PAX7: variants seen among roughly 807,000 people sequenced by gnomAD.
PAX7 encodes the protein paired box protein Pax-7.
In PAX7, 18 loss-of-function variants were observed where a neutral mutation model predicts 50.7. That is an observed-to-expected ratio of 0.36 (90% confidence interval 0.25 to 0.53). PAX7 has a LOEUF of 0.53. Ranked by LOEUF, PAX7 falls within the 20% of genes least tolerant of loss-of-function variation. PAX7 has a pLI of 0.93. For synonymous variants in PAX7, 310 were observed against 290.4 expected (o/e 1.07, Z -0.69); for missense variants, 644 against 702.9 (o/e 0.92, Z 0.95).
At chr1:18,689,289 T>C (rs963220621) in intron 4 of PAX7, among the ~76,000 whole-genome samples, 9 of 152,226 alleles carry the variant, frequency 5.9e-5, no homozygotes, top group African/African-American at 2.2e-4. Flanking sequence ...AATTGAATCC[T>C]TGGCATTAGT....
At chr1:18,662,140 G>A (rs906242749) in intron 4 of PAX7, among the ~76,000 whole-genome samples, 1 of 152,032 alleles carries the variant, frequency 6.6e-6, no homozygotes, top group African/African-American at 2.4e-5. Flanking sequence ...GGGGGTTGAG[G>A]GGGGCGAGGA....
At chr1:18,671,750 G>A (rs1278410899) in intron 4 of PAX7, among the ~76,000 whole-genome samples, 3 of 151,836 alleles carry the variant, frequency 2.0e-5, no homozygotes, top group African/African-American at 7.3e-5. Context: ...TTGGGAGACT[G>A]AAGCAGGAGG....
At chr1:18,639,029 C>T (rs1183119357) in intron 4 of PAX7, among the ~76,000 whole-genome samples, 1 of 152,218 alleles carries the variant, frequency 6.6e-6, no homozygotes, top group Non-Finnish European at 1.5e-5. Flanking sequence ...TTGCCCCTCT[C>T]ATGGCAGGGA....
chr1:18,672,596 G>GTTTT lies in PAX7; in HGVS notation c.587-19140_587-19137dup, dbSNP rs1034079316. On this transcript the variant is annotated intron_variant, in intron 4 of 8. Coordinates refer to ENST00000420770, the MANE Select transcript of PAX7 (RefSeq NM_001135254.2). ...GCGGCCCTAGACTGGAGAGCACTGTGTTTTTTTTTTTTTTTTTTTTTGTGA... is the reference window on the plus strand; with the variant it reads ...GCGGCCCTAGACTGGAGAGCACTGTGTTTTTTTTTTTTTTTTTTTTTTTTTGTGA... 2.9e-3 allele frequency among the ~76,000 whole-genome samples: 366 copies of GTTTT among 125,740 alleles called. 5 individuals are homozygous for GTTTT. The highest frequency in any genetic ancestry group is 9.3e-3 in the East Asian group (35 of 3,748). 82.5% of individuals were successfully genotyped at this position (125,740 alleles called of 152,430 possible).
At chr1:18,742,104 C>T (rs979768249) in intron 8 of PAX7, among the ~76,000 whole-genome samples, 1 of 150,114 alleles carries the variant, frequency 6.7e-6, no homozygotes, top group Non-Finnish European at 1.5e-5. Context: ...TAAACCCTGG[C>T]TTCTCCTCTT....
At chr1:18,738,148 G>A (rs747300238) in intron 8 of PAX7, among the ~76,000 whole-genome samples, 8 of 152,180 alleles carry the variant, frequency 5.3e-5, no homozygotes, top group Non-Finnish European at 1.0e-4. Flanking sequence ...ATAACTGTGT[G>A]TGTGTGTGTG....
In PAX7 at chr1:18,735,710, G is replaced by A. The variant is rs144861509; in HGVS notation, c.1234G>A (p.Gly412Ser). The A allele has an allele frequency of 1.7e-4, 273 of 1,614,098 alleles. 2 individuals carry two copies. The East Asian group carries it at 5.9e-3, about 35-fold the overall frequency. ...CTTCTCCATCTCCCCGCTGCATGGC[G>A]GCCTGGACTCGGCCACCTCCATCTC... ...ADFSISPLHG[G>S]LDSATSISAS... Residue 412 changes from glycine (G) to serine (S), a missense_variant, in exon 8 of 9, where the codon GGC (glycine) becomes AGC (serine). Physicochemically the swap from Gly to Ser is moderately conservative, Grantham distance 56 (BLOSUM62 0). Coordinates refer to ENST00000420770, the MANE Select transcript of PAX7 (RefSeq NM_001135254.2). The surrounding 1 kb of genome is among the most constrained non-coding windows in gnomAD (Gnocchi z 4.0).
At chr1:18,660,855 AG>A (rs1249860221) in intron 4 of PAX7, among the ~76,000 whole-genome samples, 2 of 152,190 alleles carry the variant, frequency 1.3e-5, no homozygotes, top group Non-Finnish European at 2.9e-5. Context: ...AGGATGAGTT[AG>A]GGGAGAAATG....
chr1:18,640,993 C>A (rs1342099142), intron 4 of PAX7, among the ~76,000 whole-genome samples: 1 of 152,142 alleles, frequency 6.6e-6, no homozygotes. Flanking sequence ...TCCCCCCAAC[C>A]GAAGAAGAGA....
Position 18,634,902 on chromosome 1 carries a change from C to T in PAX7, c.322-209C>T, listed in dbSNP as rs531021907. Among the ~76,000 whole-genome samples the T allele has an allele frequency of 1.3e-5, 2 of 152,212 alleles. No homozygotes were observed. Among genetic ancestry groups the T allele is most frequent in the East Asian group, 3.9e-4 (2 of 5,172 alleles). ...TTTTATTGCCTATCCATGTCCCACC[C>T]CACCCCACCTGGCCAGACCCCCAGC... On this transcript the variant is annotated intron_variant, in intron 2 of 8. Transcript: ENST00000420770. The surrounding 1 kb of genome is among the most constrained non-coding windows in gnomAD (Gnocchi z 4.0).
intron 4 of PAX7, among the ~76,000 whole-genome samples, chr1:18,680,526 A>C (rs1044973375): frequency 6.6e-6 from 1 of 152,266 alleles, no homozygotes; most frequent in South Asian, 2.1e-4. Flanking sequence ...TTTAGAAATA[A>C]CAAGAACGAG....
intron 4 of PAX7, among the ~76,000 whole-genome samples, chr1:18,674,617 G>A (rs1048204322): frequency 2.0e-5 from 3 of 152,172 alleles, no homozygotes; most frequent in Non-Finnish European, 4.4e-5. Flanking sequence ...CCTTGGCATC[G>A]TCTCCACCCT....
intron 7 of PAX7, among the ~76,000 whole-genome samples, chr1:18,714,794 C>T (rs2089398321): frequency 6.6e-6 from 1 of 152,254 alleles, no homozygotes; most frequent in Admixed American, 6.5e-5. Context: ...CTTCCTGCCT[C>T]CTGAGAAGCC....
chr1:18,676,295 T>C (rs932583543), intron 4 of PAX7, among the ~76,000 whole-genome samples: 3 of 151,620 alleles, frequency 2.0e-5, no homozygotes, highest in East Asian at 2.0e-4. Flanking sequence ...CACCTTCCAC[T>C]GTGGACCTGC....
intron 4 of PAX7, among the ~76,000 whole-genome samples, chr1:18,650,359 G>T (rs575602713): frequency 1.3e-5 from 2 of 152,200 alleles, no homozygotes; most frequent in Admixed American, 1.3e-4. Flanking sequence ...GTCCCTGCCC[G>T]GCTTGCTGTG....
At chr1:18,687,810 G>A (rs1292423964) in intron 4 of PAX7, among the ~76,000 whole-genome samples, 1 of 152,082 alleles carries the variant, frequency 6.6e-6, no homozygotes, top group Non-Finnish European at 1.5e-5. Flanking sequence ...AGATCTGTGG[G>A]CCCTGCTTGG....
chr1:18,696,358 C>T (rs969808681), intron 5 of PAX7, among the ~76,000 whole-genome samples: 1 of 151,432 alleles, frequency 6.6e-6, no homozygotes, highest in African/African-American at 2.4e-5. Context: ...TGAGCCACTG[C>T]ACCCAGCCTT....
intron 4 of PAX7, among the ~76,000 whole-genome samples, chr1:18,649,134 C>T (rs1231589300): frequency 6.6e-6 from 1 of 152,134 alleles, no homozygotes; most frequent in Admixed American, 6.5e-5. Context: ...GATGGAAAAG[C>T]TCAGGTCCAG....
chr1:18,669,256 A>G (rs1304574835), intron 4 of PAX7, among the ~76,000 whole-genome samples: 2 of 152,200 alleles, frequency 1.3e-5, no homozygotes, highest in African/African-American at 4.8e-5. Flanking sequence ...CTCTAAAGCT[A>G]TATTCTGCTG....
Sources: gnomAD v4.1 joint callset for allele counts (sites outside exome capture counted in the v4.1 genomes callset) on GRCh38, gnomAD v4.1.1 for gene constraint, Gnocchi (gnomAD v3.1) non-coding constraint, MANE v1.5 for transcripts, NCBI Gene and HGNC (gene_info 2026-07-23, HGNC 2026-07-21) for gene names.